The following ASXL3 variants were observed in gnomAD, a reference collection of about 807,000 sequenced individuals.
ASXL3 encodes putative Polycomb group protein ASXL3.
ASXL3 carries 34 observed loss-of-function variants against 170.6 expected under a neutral mutation model. That is an observed-to-expected ratio of 0.20 (90% confidence interval 0.15 to 0.27). The LOEUF is 0.27. Ranked by LOEUF, ASXL3 falls within the 10% of genes least tolerant of loss-of-function variation. The probability of loss-of-function intolerance (pLI) is 1.00; values close to 1 mark genes in which losing one functional copy is unlikely to be tolerated. For synonymous variants in ASXL3, 1,002 were observed against 989.1 expected (o/e 1.01, Z -0.24); for missense variants, 2,592 against 2,695.3 (o/e 0.96, Z 0.85).
intron 8 of ASXL3, among the ~76,000 whole-genome samples, chr18:33,690,478 T>G (rs1246964046): frequency 6.6e-6 from 1 of 152,182 alleles, no homozygotes; most frequent in Non-Finnish European, 1.5e-5. Context: ...AGGAACATCA[T>G]GTAGAAGAAA....
intron 4 of ASXL3, among the ~76,000 whole-genome samples, chr18:33,650,532 A>T (rs923740767): frequency 1.3e-5 from 2 of 152,150 alleles, no homozygotes; most frequent in African/African-American, 4.8e-5. Flanking sequence ...GGAGATTTTG[A>T]TAATGACATC....
rs79617916 is a variant in ASXL3 at position 33,744,597 on chromosome 18, A to G, written c.4749A>G (p.Ala1583=). Reference sequence around the variant, plus strand: ...CCAGTCATAACTTTGCTGAGCAGGCACGTGGCCCAGCTCCTTTCAAAAGTG... The same window carrying G: ...CCAGTCATAACTTTGCTGAGCAGGCGCGTGGCCCAGCTCCTTTCAAAAGTG... The part of the protein sequence containing the change: ...TAPSHNFAEQ[A]RGPAPFKSEA... The change falls in exon 12 of 12, where the codon GCA becomes GCG. Residue 1583 remains alanine (A), a synonymous_variant. Transcript: ENST00000269197. The G allele has an allele frequency of 1.8e-3, 2,871 of 1,609,680 alleles. 37 individuals carry two copies. In the African/African-American group the frequency reaches 0.033, roughly 19 times the overall value.
At chr18:33,595,954 G>T (rs559875229) in intron 1 of ASXL3, among the ~76,000 whole-genome samples, 36 of 152,112 alleles carry the variant, frequency 2.4e-4, no homozygotes, top group Non-Finnish European at 4.9e-4. Flanking sequence ...ATGAGAAAGG[G>T]CATTCTTTGG....
chr18:33,607,019 A>G (rs574533226), intron 1 of ASXL3, among the ~76,000 whole-genome samples: 8 of 151,988 alleles, frequency 5.3e-5, no homozygotes, highest in Non-Finnish European at 7.4e-5. Flanking sequence ...GATAGGCTAA[A>G]TCGGAAGAGG....
chr18:33,591,966 A>G (rs986302381), intron 1 of ASXL3, among the ~76,000 whole-genome samples: 7 of 152,074 alleles, frequency 4.6e-5, no homozygotes, highest in Non-Finnish European at 7.4e-5. Flanking sequence ...TTCTGAGCTC[A>G]ACTTCATAGT....
In ASXL3 at chr18:33,585,996, C is replaced by T. The variant is rs569493300; in HGVS notation, c.54+7311C>T. Among the ~76,000 whole-genome samples, 18 of 152,188 alleles carry T rather than the reference C, an allele frequency of 1.2e-4. No individual in the cohort carries two copies. The South Asian group carries it at 3.7e-3, about 32-fold the overall frequency. On this transcript the variant is annotated intron_variant, in intron 1 of 11. Coordinates refer to ENST00000269197, the MANE Select transcript of ASXL3 (RefSeq NM_030632.3). ...TCTGTTGATTTAAAAAAATCAAAGT[C>T]AATCATAATTATTTATGACTTATAG...
At chr18:33,705,435 A>G (rs1291699182) in intron 8 of ASXL3, among the ~76,000 whole-genome samples, 3 of 151,736 alleles carry the variant, frequency 2.0e-5, no homozygotes, top group Non-Finnish European at 4.4e-5. Flanking sequence ...TAAATTTTAA[A>G]GCATGATCAG....
Position 33,746,532 on chromosome 18 carries a change from C to T in ASXL3, c.6684C>T (p.Ala2228=). 1 of 1,612,432 alleles carries T rather than the reference C, an allele frequency of 6.2e-7. No individual in the cohort carries two copies. Among genetic ancestry groups the T allele is most frequent in the South Asian group, 1.1e-5 (1 of 91,074 alleles). Reference sequence around the variant, plus strand: ...TGATTGTGTGCAAAGGCTGTGGGGCCTTCTGCCATGACGACTGCATAGGTC... The same window carrying T: ...TGATTGTGTGCAAAGGCTGTGGGGCTTTCTGCCATGACGACTGCATAGGTC... ...KAMIVCKGCG[A]FCHDDCIGPS... is the part of the protein sequence containing the mutation. Residue 2228 remains alanine (A), a synonymous_variant, in exon 12 of 12, where the codon GCC becomes GCT. Coordinates refer to ENST00000269197, the MANE Select transcript of ASXL3 (RefSeq NM_030632.3).
chr18:33,578,901 C>A lies in ASXL3; in HGVS notation c.54+216C>A, dbSNP rs547760775. ...GGGCGCAGCGATTATCTCCGGGAGC[C>A]CCGCGTCCGGGACCGCCCGGGACAC... On this transcript the variant is annotated intron_variant, in intron 1 of 11. Coordinates refer to ENST00000269197, the MANE Select transcript of ASXL3 (RefSeq NM_030632.3). The A allele has an allele frequency of 5.3e-5, 11 of 206,924 alleles. No individual in the cohort carries two copies. In the South Asian group the frequency reaches 1.1e-3, roughly 20 times the overall value. 12.8% of individuals were successfully genotyped at this position (206,924 alleles called of 1,614,324 possible). A position where few individuals can be genotyped will look rare whatever the true frequency, so the allele number is the denominator to read the frequency against.
chr18:33,597,250 TG>T (rs2145106743), intron 1 of ASXL3, among the ~76,000 whole-genome samples: 1 of 152,224 alleles, frequency 6.6e-6, no homozygotes, highest in African/African-American at 2.4e-5. Context: ...GGCGGGGATG[TG>T]GGTGGGACTT....
chr18:33,635,967 A>C (rs527817217), intron 2 of ASXL3, among the ~76,000 whole-genome samples: 1 of 152,348 alleles, frequency 6.6e-6, no homozygotes, highest in Admixed American at 6.5e-5. Flanking sequence ...TCTCCTGTGG[A>C]ATTTCCAAAC....
rs1306203383 is a variant in ASXL3 at position 33,672,458 on chromosome 18, C to T, written c.715+592C>T. On this transcript the variant is annotated intron_variant, in intron 7 of 11. Transcript: ENST00000269197. ...TTTCCTGATAACTTTTCATCAGGAACCCCCAACAGCATTCAGGGAGAAAAG... is the reference window on the plus strand; with the variant it reads ...TTTCCTGATAACTTTTCATCAGGAATCCCCAACAGCATTCAGGGAGAAAAG... Among the ~76,000 whole-genome samples, 6 of 152,218 alleles carry T rather than the reference C, an allele frequency of 3.9e-5. 1 individual carries two copies. In the East Asian group the frequency reaches 1.2e-3, roughly 29 times the overall value.
intron 8 of ASXL3, among the ~76,000 whole-genome samples, chr18:33,700,022 A>G (rs989419591): frequency 6.6e-6 from 1 of 152,076 alleles, no homozygotes; most frequent in Non-Finnish European, 1.5e-5. Context: ...GTTAAATAAG[A>G]TGTAAGTTAG....
intron 8 of ASXL3, among the ~76,000 whole-genome samples, chr18:33,709,976 C>T (rs994151638): frequency 6.6e-6 from 1 of 152,170 alleles, no homozygotes; most frequent in African/African-American, 2.4e-5. Context: ...GACTGATGGG[C>T]CGGGTGCGGT....
chr18:33,586,471 C>G (rs911102563), intron 1 of ASXL3, among the ~76,000 whole-genome samples: 6 of 151,402 alleles, frequency 4.0e-5, no homozygotes, highest in African/African-American at 1.5e-4. Flanking sequence ...TTTTCTTCTT[C>G]ATTTCTTGTC....
intron 2 of ASXL3, among the ~76,000 whole-genome samples, chr18:33,623,681 TGCC>T (rs1180618428): frequency 1.3e-5 from 2 of 152,168 alleles, no homozygotes; most frequent in African/African-American, 4.8e-5. Context: ...GGCATACTGG[TGCC>T]AAATGTTTCA....
At chr18:33,726,997 A>G (rs1191011786) in intron 8 of ASXL3, among the ~76,000 whole-genome samples, 3 of 152,100 alleles carry the variant, frequency 2.0e-5, no homozygotes, top group Non-Finnish European at 2.9e-5. Flanking sequence ...TTGCTTTTGC[A>G]TTTCTTTCTG....
At chr18:33,694,170 C>G (rs2066734547) in intron 8 of ASXL3, among the ~76,000 whole-genome samples, 1 of 152,086 alleles carries the variant, frequency 6.6e-6, no homozygotes, top group Admixed American at 6.6e-5. Context: ...TCCCTCAATC[C>G]CCCTTATGGG....
chr18:33,742,285 T>G (rs1176443784), intron 11 of ASXL3, among the ~76,000 whole-genome samples: 1 of 152,238 alleles, frequency 6.6e-6, no homozygotes, highest in African/African-American at 2.4e-5. Context: ...TGTGTTCTTA[T>G]ATGTATAAAG....
Sources: gnomAD v4.1 joint callset for allele counts (sites outside exome capture counted in the v4.1 genomes callset) on GRCh38, gnomAD v4.1.1 for gene constraint, MANE v1.5 for transcripts, NCBI Gene and HGNC (gene_info 2026-07-23, HGNC 2026-07-21) for gene names.